Variants in MYO1E observed in about 807,000 individuals in gnomAD.
MYO1E encodes the protein myosin IE, also known as unconventional myosin-Ie.
In MYO1E, 68 loss-of-function variants were observed where a neutral mutation model predicts 151.1. The ratio of observed to expected loss-of-function variants is 0.45; its 90% CI spans 0.37 to 0.55. The LOEUF (loss-of-function observed/expected upper bound fraction) is 0.55. Among genes scored for constraint, MYO1E ranks in the 20% least tolerant of loss-of-function variants. MYO1E has a pLI of 0.00. For missense variants in MYO1E, 1,363 were observed against 1,389.3 expected, an observed-to-expected ratio of 0.98 and a Z score of 0.30; for synonymous variants, 601 against 501.7, an observed-to-expected ratio of 1.20 and a Z score of -2.64.
At chr15:59,288,600 A>G (rs1415668888) in intron 1 of MYO1E, among the ~76,000 whole-genome samples, 3 of 152,358 alleles carry the variant, frequency 2.0e-5, no homozygotes, top group African/African-American at 7.2e-5. Context: ...GGATACTACT[A>G]GCCACTAATA....
Position 59,136,570 on chromosome 15 carries a change from C to T in MYO1E, c.*810G>A, listed in dbSNP as rs2079374254. The T allele has an allele frequency of 1.0e-5, 4 of 386,294 alleles. No individual in the cohort carries two copies. Among genetic ancestry groups the T allele is most frequent in the South Asian group, 7.6e-5 (4 of 52,626 alleles). The allele number at this position is 386,294 out of a possible 1,614,324, so 23.9% of individuals were successfully genotyped here. On this transcript the variant is annotated 3_prime_UTR_variant, in exon 28 of 28. Transcript: ENST00000288235. ...TATGAATGAGTACAGTGGAATACTA[C>T]TTAGTACATTCATACATGTTTCTAC...
rs1232715405 is a variant in MYO1E at position 59,236,674 on chromosome 15, T to A, written c.333-2A>T. 6.2e-7 allele frequency: 1 copy of A among 1,610,422 alleles called. No individual in the cohort carries two copies. The highest frequency in any genetic ancestry group is 8.5e-7 in the Non-Finnish European group (1 of 1,176,908). ...GTTTTTCCAGCACCACTTTCACCAC[T>A]AAAGAAAGACAGACAAAGAATCCAC... On this transcript the variant is annotated splice_acceptor_variant, in intron 4 of 27. Coordinates refer to ENST00000288235, the MANE Select transcript of MYO1E (RefSeq NM_004998.4). LOFTEE classifies it high-confidence loss of function.
chr15:59,314,837 G>A (rs2054716), intron 1 of MYO1E, among the ~76,000 whole-genome samples: 1 of 152,100 alleles, frequency 6.6e-6, no homozygotes, highest in East Asian at 1.9e-4. Context: ...CCCTGGCTTA[G>A]GTGACTGCTG....
Position 59,208,786 on chromosome 15 carries a change from C to A in MYO1E, c.1425G>T (p.Glu475Asp). The change falls in exon 14 of 28, where the codon GAG becomes GAT. Residue 475 changes from glutamate to aspartate, a missense_variant. Transcript: ENST00000288235. ...DVCATMHAVGEGADQTLLQKL... is the reference protein window; with the variant it reads ...DVCATMHAVGDGADQTLLQKL... Reference sequence around the variant, plus strand: ...TCTGGAGCAGCGTCTGATCTGCCCCCTCACCCACCGCATGCATCGTGGCGC... The same window carrying A: ...TCTGGAGCAGCGTCTGATCTGCCCCATCACCCACCGCATGCATCGTGGCGC... The A allele has an allele frequency of 1.2e-6, 2 of 1,614,222 alleles. No homozygotes were observed. The highest frequency in any genetic ancestry group is 2.2e-5 in the East Asian group (1 of 44,894).
chr15:59,347,895 G>A (rs1450645801), intron 1 of MYO1E, among the ~76,000 whole-genome samples: 1 of 152,130 alleles, frequency 6.6e-6, no homozygotes, highest in Non-Finnish European at 1.5e-5. Context: ...CATAATTTGG[G>A]GTTAAGGAAG....
At chr15:59,287,652 C>T (rs1470787790) in intron 1 of MYO1E, among the ~76,000 whole-genome samples, 1 of 152,160 alleles carries the variant, frequency 6.6e-6, no homozygotes, top group Non-Finnish European at 1.5e-5. Context: ...CCTGGTCCAG[C>T]CAGTGAGGAG....
At chr15:59,182,755 A>G (rs1161512502) in intron 18 of MYO1E, among the ~76,000 whole-genome samples, 1 of 152,200 alleles carries the variant, frequency 6.6e-6, no homozygotes, top group African/African-American at 2.4e-5. Flanking sequence ...TGAAGCTGGC[A>G]TGGCACTCGA....
chr15:59,140,597 C>G (rs2079403264), intron 26 of MYO1E, among the ~76,000 whole-genome samples: 1 of 152,232 alleles, frequency 6.6e-6, no homozygotes, highest in African/African-American at 2.4e-5. Context: ...AAGGGAGGGC[C>G]TTCCTGGGGC....
chr15:59,333,102 G>C (rs925308184), intron 1 of MYO1E, among the ~76,000 whole-genome samples: 2 of 152,148 alleles, frequency 1.3e-5, no homozygotes, highest in Non-Finnish European at 2.9e-5. Flanking sequence ...CAGTTGCTTA[G>C]TAAACACAAC....
At position 59,208,599 on chromosome 15, in the gene MYO1E, CAT is replaced by C. The variant is rs372735725; in HGVS notation, c.1530+80_1530+81del. ...GTTGAATCAATAAAATACGGCGAGC[CAT>C]ATGATTTGCTTCATGAGAAACCAGA... On this transcript the variant is annotated intron_variant, in intron 14 of 27. Coordinates refer to ENST00000288235, the MANE Select transcript of MYO1E (RefSeq NM_004998.4). The C allele has an allele frequency of 4.5e-5, 68 of 1,502,836 alleles. No individual in the cohort carries two copies. The East Asian group carries it at 6.1e-4, about 13-fold the overall frequency. The allele number at this position is 1,502,836 out of a possible 1,614,324, so 93.1% of individuals were successfully genotyped here.
Position 59,214,702 on chromosome 15 carries a change from C to G in MYO1E, c.1126G>C (p.Glu376Gln). 6.2e-7 allele frequency: 1 copy of G among 1,613,542 alleles called. No individual in the cohort carries two copies. The highest frequency in any genetic ancestry group is 8.5e-7 in the Non-Finnish European group (1 of 1,179,476). ...ATGTTGTATTCTTCATGGTCTTTCT[C>G]CATGGCTTTATTGATGGACTAGAGA... is the stretch of plus-strand genomic sequence containing the variant. The part of the protein sequence containing the change: ...FLVDSINKAM[E>Q]KDHEEYNIGV... Residue 376 changes from glutamate to glutamine, a missense_variant, in exon 11 of 28, where the codon GAG (glutamate) becomes CAG (glutamine). Coordinates refer to ENST00000288235, the MANE Select transcript of MYO1E (RefSeq NM_004998.4).
At position 59,137,306 on chromosome 15, in the gene MYO1E, G is replaced by A; in HGVS notation, c.*74C>T. On this transcript the variant is annotated 3_prime_UTR_variant, in exon 28 of 28. Coordinates refer to ENST00000288235, the MANE Select transcript of MYO1E (RefSeq NM_004998.4). ...CAATTGCTCATTGTGGATTGTAAGG[G>A]GAGCCCCTAAATATCCCCTCCCCTG... 1 of 1,314,608 alleles carries A rather than the reference G, an allele frequency of 7.6e-7. No individual in the cohort carries two copies. The highest frequency in any genetic ancestry group is 1.9e-4 in the Middle Eastern group (1 of 5,240). 81.4% of individuals were successfully genotyped at this position (1,314,608 alleles called of 1,614,324 possible).
In MYO1E at chr15:59,286,890, C is replaced by G. The variant is rs146109098; in HGVS notation, c.4-14441G>C. ...GACACATGTTTACAAACAGAGATCT[C>G]AGACCACAGCTGGTTGATGGGTGGC... On this transcript the variant is annotated intron_variant, in intron 1 of 27. Coordinates refer to ENST00000288235, the MANE Select transcript of MYO1E (RefSeq NM_004998.4). Among the ~76,000 whole-genome samples the G allele has an allele frequency of 9.0e-3, 1,371 of 152,018 alleles. 10 individuals carry two copies. Among genetic ancestry groups the G allele is most frequent in the Admixed American group, 0.015 (224 of 15,280 alleles).
chr15:59,362,589 C>T (rs980926152), intron 1 of MYO1E, among the ~76,000 whole-genome samples: 17 of 152,188 alleles, frequency 1.1e-4, no homozygotes, highest in Admixed American at 2.0e-4. Flanking sequence ...ATTCCCAAGC[C>T]TTGAAGGAAG....
At chr15:59,285,210 G>C (rs1422459767) in intron 1 of MYO1E, among the ~76,000 whole-genome samples, 2 of 152,152 alleles carry the variant, frequency 1.3e-5, no homozygotes, top group East Asian at 3.9e-4. Context: ...CAGTTTCACA[G>C]AATTTTATTA....
intron 5 of MYO1E, among the ~76,000 whole-genome samples, chr15:59,234,518 C>G (rs1832299408): frequency 1.3e-5 from 2 of 152,108 alleles, no homozygotes; most frequent in South Asian, 4.1e-4. Flanking sequence ...TGATAGAACA[C>G]TATTTAATTA....
chr15:59,344,781 C>T (rs1567020592), intron 1 of MYO1E, among the ~76,000 whole-genome samples: 1 of 152,226 alleles, frequency 6.6e-6, no homozygotes, highest in Non-Finnish European at 1.5e-5. Flanking sequence ...CTCCACCCCA[C>T]AGGCCCACGG....
Position 59,303,432 on chromosome 15 carries a change from G to A in MYO1E, c.4-30983C>T, listed in dbSNP as rs369989360. ...CTTTCCTAGCTACTGAGGAGGCTGA[G>A]GCAGGAGAATTGCTTGAACCCGAGG... On this transcript the variant is annotated intron_variant, in intron 1 of 27. Coordinates refer to ENST00000288235, the MANE Select transcript of MYO1E (RefSeq NM_004998.4). Among the ~76,000 whole-genome samples, 1,005 of 152,154 alleles carry A rather than the reference G, an allele frequency of 6.6e-3. 6 individuals are homozygous for A. The highest frequency in any genetic ancestry group is 0.023 in the African/African-American group (945 of 41,484).
chr15:59,279,275 G>A (rs1483056694), intron 1 of MYO1E, among the ~76,000 whole-genome samples: 1 of 152,096 alleles, frequency 6.6e-6, no homozygotes, highest in African/African-American at 2.4e-5. Flanking sequence ...AGTGGTGCCT[G>A]GAATCAACCT....
Sources: allele counts gnomAD v4.1 joint callset (sites outside exome capture counted in the v4.1 genomes callset), GRCh38; gene constraint gnomAD v4.1.1; transcripts MANE v1.5; gene names NCBI Gene and HGNC (gene_info 2026-07-23, HGNC 2026-07-21).